Variants in PCDH7 observed in about 807,000 individuals in gnomAD.
The protein encoded by PCDH7 is protocadherin-7.
PCDH7 carries 17 observed loss-of-function variants against 58.9 expected under a neutral mutation model. The observed-to-expected ratio is 0.29, with a 90% CI of 0.20 to 0.43. The LOEUF (loss-of-function observed/expected upper bound fraction) is 0.43. Among genes scored for constraint, PCDH7 ranks in the 20% least tolerant of loss-of-function variants. The pLI, the probability that PCDH7 is intolerant of heterozygous loss-of-function variation, is 1.00. For synonymous variants in PCDH7, 664 were observed against 616.4 expected, an observed-to-expected ratio of 1.08 and a Z score of -1.14; for missense variants, 1,274 against 1,441.0, an observed-to-expected ratio of 0.88 and a Z score of 1.88.
intron 1 of PCDH7, among the ~76,000 whole-genome samples, chr4:30,739,160 T>TA (rs1553876261): frequency 6.9e-6 from 1 of 145,436 alleles, no homozygotes; most frequent in African/African-American, 2.5e-5. Flanking sequence ...TATATATATA[T>TA]TATATATATA....
intron 3 of PCDH7, among the ~76,000 whole-genome samples, chr4:31,090,670 A>C (rs1713120308): frequency 6.6e-6 from 1 of 152,000 alleles, no homozygotes; most frequent in Admixed American, 6.6e-5. Context: ...TGCCAAAAAT[A>C]TTTTTCTTCC....
intron 1 of PCDH7, among the ~76,000 whole-genome samples, chr4:30,815,038 T>TA (rs1037781087): frequency 1.3e-5 from 2 of 151,980 alleles, no homozygotes; most frequent in African/African-American, 4.8e-5. Context: ...AGTATATTAA[T>TA]AAAAAAGAGA....
At chr4:30,933,749 C>T (rs952794988) in intron 2 of PCDH7, among the ~76,000 whole-genome samples, 1 of 152,152 alleles carries the variant, frequency 6.6e-6, no homozygotes, top group Non-Finnish European at 1.5e-5. Context: ...CTGACACTCA[C>T]AACTGTGTGC....
At chr4:30,950,580 T>C (rs1274692967) in intron 3 of PCDH7, among the ~76,000 whole-genome samples, 5 of 152,210 alleles carry the variant, frequency 3.3e-5, no homozygotes, top group African/African-American at 1.2e-4. Context: ...AAAACAGGAA[T>C]ATTTCTGTGA....
At chr4:30,767,550 A>G (rs2109275272) in intron 1 of PCDH7, among the ~76,000 whole-genome samples, 1 of 152,306 alleles carries the variant, frequency 6.6e-6, no homozygotes, top group East Asian at 1.9e-4. Flanking sequence ...TTTTTAAGAC[A>G]GGACAGAGAT....
Position 30,722,700 on chromosome 4 carries a change from G to T in PCDH7, c.1278G>T (p.Lys426Asn). ...GCAAGATTGGGCGCATCCCCCTCAA[G>T]GACGGGGTGGCCAACGTGGCCGAGG... Residue 426 changes from lysine to asparagine, a missense_variant, in exon 1 of 2, where the codon AAG (lysine) becomes AAT (asparagine). Lys to Asn is a moderately conservative substitution (Grantham distance 94). This residue lies in a region of PCDH7 where 731 missense variants were observed against 881.9 expected (regional missense o/e 0.83). Coordinates refer to ENST00000361762, the Ensembl canonical transcript of PCDH7. The surrounding 1 kb of genome is among the most constrained non-coding windows in gnomAD (Gnocchi z 7.6). 3.1e-6 allele frequency: 5 copies of T among 1,613,610 alleles called. No individual in the cohort carries two copies. The highest frequency in any genetic ancestry group is 4.2e-6 in the Non-Finnish European group (5 of 1,180,022).
intron 1 of PCDH7, among the ~76,000 whole-genome samples, chr4:30,815,358 T>C (rs181244999): frequency 1.6e-4 from 24 of 152,046 alleles, no homozygotes; most frequent in Admixed American, 3.3e-4. Flanking sequence ...AGAATGAGCA[T>C]TTATTAAAAA....
chr4:31,018,466 C>T (rs929939491), intron 3 of PCDH7, among the ~76,000 whole-genome samples: 2 of 152,176 alleles, frequency 1.3e-5, no homozygotes, highest in African/African-American at 4.8e-5. Context: ...TCTATATCAA[C>T]ATCTTTCAAT....
At chr4:30,944,192 A>C (rs920560163) in intron 2 of PCDH7, among the ~76,000 whole-genome samples, 2 of 152,130 alleles carry the variant, frequency 1.3e-5, no homozygotes, top group Non-Finnish European at 2.9e-5. Context: ...GTGTCAGTGC[A>C]ACAGATTGAA....
chr4:31,079,356 A>G (rs1372437202), intron 3 of PCDH7, among the ~76,000 whole-genome samples: 1 of 113,646 alleles, frequency 8.8e-6, no homozygotes, highest in Admixed American at 9.1e-5. Flanking sequence ...ATATATATAT[A>G]TATATATACA....
At chr4:31,138,839 A>T (rs1049767562) in intron 3 of PCDH7, among the ~76,000 whole-genome samples, 7 of 151,926 alleles carry the variant, frequency 4.6e-5, no homozygotes, top group African/African-American at 1.7e-4. Flanking sequence ...GCCAGGTGGT[A>T]GTGGTGCGCG....
intron 1 of PCDH7, among the ~76,000 whole-genome samples, chr4:30,764,578 A>T (rs1720448457): frequency 1.3e-5 from 2 of 152,200 alleles, no homozygotes; most frequent in Non-Finnish European, 2.9e-5. Flanking sequence ...AAAGAAACGA[A>T]GTTTGTAAAT....
intron 3 of PCDH7, among the ~76,000 whole-genome samples, chr4:30,996,967 C>T (rs555450930): frequency 2.0e-5 from 3 of 152,218 alleles, no homozygotes; most frequent in African/African-American, 4.8e-5. Context: ...TGCCTATTTA[C>T]TCTGTTTATT....
At chr4:30,983,159 A>G (rs185862235) in intron 3 of PCDH7, among the ~76,000 whole-genome samples, 10 of 152,284 alleles carry the variant, frequency 6.6e-5, no homozygotes, top group Admixed American at 6.5e-4. Context: ...TTGGAGTTAC[A>G]TTGGCCAAAT....
chr4:30,880,489 A>G (rs546331662), intron 1 of PCDH7, among the ~76,000 whole-genome samples: 59 of 152,304 alleles, frequency 3.9e-4, no homozygotes, highest in African/African-American at 1.4e-3. Flanking sequence ...CAGTATTAGC[A>G]CAGCTCAATA....
chr4:31,134,582 G>A (rs1719371673), intron 3 of PCDH7, among the ~76,000 whole-genome samples: 1 of 152,120 alleles, frequency 6.6e-6, no homozygotes, highest in Non-Finnish European at 1.5e-5. Flanking sequence ...TATTTCAGGG[G>A]CCTATTGCTT....
intron 3 of PCDH7, among the ~76,000 whole-genome samples, chr4:30,984,960 C>T (rs890649869): frequency 3.3e-5 from 5 of 151,808 alleles, no homozygotes; most frequent in African/African-American, 1.2e-4. Context: ...TTTTATATTT[C>T]ATCTTTTTGT....
chr4:31,047,759 G>A (rs1175888089), intron 3 of PCDH7, among the ~76,000 whole-genome samples: 1 of 151,988 alleles, frequency 6.6e-6, no homozygotes, highest in African/African-American at 2.4e-5. Context: ...AAGTATAGCT[G>A]ATGCCTTAAC....
intron 3 of PCDH7, among the ~76,000 whole-genome samples, chr4:30,959,578 G>A (rs80045902): frequency 0.011 from 1,699 of 152,196 alleles, 26 homozygotes; most frequent in African/African-American, 0.035. Flanking sequence ...TCCTGCAGTT[G>A]CATGAATATA....
Sources: allele counts gnomAD v4.1 joint callset (sites outside exome capture counted in the v4.1 genomes callset), GRCh38; gene constraint gnomAD v4.1.1; regional missense constraint gnomAD v4.1.1; non-coding constraint Gnocchi (gnomAD v3.1); transcripts MANE v1.5; gene names NCBI Gene and HGNC (gene_info 2026-07-23, HGNC 2026-07-21).